The following EFCAB6 variants were observed in gnomAD, a reference collection of about 807,000 sequenced individuals.
The protein encoded by EFCAB6 is EF-hand calcium binding domain 6.
In EFCAB6, 156 loss-of-function variants were observed where a neutral mutation model predicts 169.8. The ratio of observed to expected loss-of-function variants is 0.92; its 90% CI spans 0.81 to 1.05. The LOEUF (loss-of-function observed/expected upper bound fraction) is 1.05. EFCAB6 is among the 50% of genes least tolerant of loss of function. EFCAB6 has a pLI of 0.00. For missense variants in EFCAB6, 1,800 were observed against 1,829.1 expected, an observed-to-expected ratio of 0.98 and a Z score of 0.29; for synonymous variants, 698 against 676.4, an observed-to-expected ratio of 1.03 and a Z score of -0.50.
At chr22:43,719,866 C>T (rs1419256859) in intron 8 of EFCAB6, among the ~76,000 whole-genome samples, 1 of 152,106 alleles carries the variant, frequency 6.6e-6, no homozygotes, top group Non-Finnish European at 1.5e-5. Context: ...CATGGAAGAG[C>T]AGTATCAATC....
chr22:43,774,546 G>A (rs1009706857), intron 3 of EFCAB6, among the ~76,000 whole-genome samples: 2 of 151,526 alleles, frequency 1.3e-5, no homozygotes, highest in African/African-American at 4.9e-5. Context: ...GATGACTCTC[G>A]CTCCTGATGC....
At chr22:43,530,420 G>A in intron 31 of EFCAB6, 3 of 736,850 alleles carry the variant, frequency 4.1e-6, no homozygotes, top group Non-Finnish European at 5.0e-6. Flanking sequence ...GGCTCACTTT[G>A]CAGGCCCCTT....
In EFCAB6 at chr22:43,685,445, G is replaced by A. The variant is rs774712345; in HGVS notation, c.1143-1590C>T. On this transcript the variant is annotated intron_variant, in intron 11 of 31. Transcript: ENST00000262726. ...CCTCGGAGCTGGGACATTTTCTGCC[G>A]CTGCCTTGGACATCGGAAATTTGAC... is the stretch of plus-strand genomic sequence containing the variant. Among the ~76,000 whole-genome samples the A allele has an allele frequency of 3.1e-4, 47 of 152,164 alleles. 1 individual carries two copies. The highest frequency in any genetic ancestry group is 2.6e-4 in the Non-Finnish European group (18 of 68,028).
intron 17 of EFCAB6, among the ~76,000 whole-genome samples, chr22:43,660,835 G>C (rs531194598): frequency 2.5e-4 from 38 of 152,280 alleles, no homozygotes; most frequent in Admixed American, 1.6e-3. Flanking sequence ...CAGGGTGTCT[G>C]ATGACATGCT....
chr22:43,530,068 G>A (rs1377291880), intron 31 of EFCAB6, among the ~76,000 whole-genome samples: 1 of 152,230 alleles, frequency 6.6e-6, no homozygotes, highest in Non-Finnish European at 1.5e-5. Flanking sequence ...AGGAAGCTGA[G>A]CCTGGTGTCT....
intron 13 of EFCAB6, among the ~76,000 whole-genome samples, chr22:43,673,654 C>T (rs1045442696): frequency 1.3e-5 from 2 of 152,140 alleles, no homozygotes; most frequent in Middle Eastern, 3.4e-3. Flanking sequence ...GTGGTGTGCG[C>T]CTATAATCCC....
chr22:43,702,728 A>C (rs558169025), intron 10 of EFCAB6, among the ~76,000 whole-genome samples: 1 of 152,288 alleles, frequency 6.6e-6, no homozygotes, highest in African/African-American at 2.4e-5. Context: ...AGTGGTGCCC[A>C]ATCAGAGGTA....
Position 43,651,438 on chromosome 22 carries a change from C to T in EFCAB6, c.1983+15666G>A, listed in dbSNP as rs138354095. Among the ~76,000 whole-genome samples the T allele has an allele frequency of 8.1e-4, 123 of 152,354 alleles. 1 individual carries two copies. The highest frequency in any genetic ancestry group is 2.8e-3 in the African/African-American group (117 of 41,592). On this transcript the variant is annotated intron_variant, in intron 17 of 31. Coordinates refer to ENST00000262726, the MANE Select transcript of EFCAB6 (RefSeq NM_022785.4). The stretch of plus-strand genomic sequence containing the variant: ...CTAGATTTCAGAAGATCTACGGAAA[C>T]GCCTGGATGTCTAAGCAGAAGTTTG...
intron 3 of EFCAB6, among the ~76,000 whole-genome samples, chr22:43,780,358 A>C (rs570221450): frequency 1.3e-5 from 2 of 151,820 alleles, no homozygotes; most frequent in East Asian, 3.9e-4. Flanking sequence ...GTGGTGGTGC[A>C]TGCCTGTGAT....
intron 26 of EFCAB6, among the ~76,000 whole-genome samples, chr22:43,570,613 T>C (rs1429878510): frequency 1.0e-4 from 1 of 9,938 alleles, no homozygotes; most frequent in Non-Finnish European, 2.1e-4. Context: ...AGGTGTTCTC[T>C]TTTTTTTTTT....
At chr22:43,780,486 C>CAAAAAAAAAAAAAAAAAAAA (rs34634496) in intron 3 of EFCAB6, among the ~76,000 whole-genome samples, 1 of 49,024 alleles carries the variant, frequency 2.0e-5, no homozygotes, top group Non-Finnish European at 3.6e-5. Context: ...GACTCTGTCT[C>CAAAAAAAAAAAAAAAAAAAA]AAAAAAAAAA....
At chr22:43,631,554 G>A (rs1307713304) in intron 19 of EFCAB6, among the ~76,000 whole-genome samples, 1 of 151,978 alleles carries the variant, frequency 6.6e-6, no homozygotes, top group Non-Finnish European at 1.5e-5. Flanking sequence ...ACCTCCTCCA[G>A]GGAGTCCTCC....
intron 15 of EFCAB6, among the ~76,000 whole-genome samples, chr22:43,669,343 C>T (rs1416810927): frequency 6.6e-6 from 1 of 152,146 alleles, no homozygotes; most frequent in African/African-American, 2.4e-5. Context: ...AATGTATACA[C>T]AAACTATGGT....
In EFCAB6 at chr22:43,580,326, C is replaced by T. The variant is rs2050637316; in HGVS notation, c.3228+138G>A. On this transcript the variant is annotated intron_variant, in intron 25 of 31. Coordinates refer to ENST00000262726, the MANE Select transcript of EFCAB6 (RefSeq NM_022785.4). ...GGAAGAGTGGATACACAACTACCCA[C>T]ATAAAAACTCTGCTCATGGTTAACT... 6 of 843,226 alleles carry T rather than the reference C, an allele frequency of 7.1e-6. No individual in the cohort carries two copies. The South Asian group carries it at 1.1e-4, about 15-fold the overall frequency. The allele number at this position is 843,226 out of a possible 1,614,324, so 52.2% of individuals were successfully genotyped here. A position where few individuals can be genotyped will look rare whatever the true frequency, so the allele number is the denominator to read the frequency against.
chr22:43,627,150 C>A (rs577177750), intron 19 of EFCAB6, among the ~76,000 whole-genome samples: 1 of 152,262 alleles, frequency 6.6e-6, no homozygotes, highest in Non-Finnish European at 1.5e-5. Context: ...TTTCGATGAC[C>A]GTGATAGAGA....
intron 4 of EFCAB6, among the ~76,000 whole-genome samples, chr22:43,771,650 GC>G (rs2061475005): frequency 6.6e-6 from 1 of 151,498 alleles, no homozygotes; most frequent in Admixed American, 6.6e-5. Flanking sequence ...CTTTTTTAAG[GC>G]CCCCAAGGAT....
chr22:43,711,209 A>G (rs1000740873), intron 10 of EFCAB6, among the ~76,000 whole-genome samples: 13 of 152,182 alleles, frequency 8.5e-5, no homozygotes, highest in East Asian at 5.8e-4. Flanking sequence ...GAAATATGCT[A>G]TCTGGTATTT....
intron 28 of EFCAB6, among the ~76,000 whole-genome samples, chr22:43,539,760 C>T (rs1040211936): frequency 2.6e-4 from 40 of 152,352 alleles, no homozygotes; most frequent in African/African-American, 9.4e-4. Context: ...GTATAACTTG[C>T]TTCAAGGGAC....
chr22:43,579,364 A>ATG, intron 25 of EFCAB6, among the ~76,000 whole-genome samples: 1 of 151,060 alleles, frequency 6.6e-6, no homozygotes, highest in East Asian at 2.0e-4. Flanking sequence ...CATTCCCTAC[A>ATG]CATAGGCATC....
Sources: gnomAD v4.1 joint callset for allele counts (sites outside exome capture counted in the v4.1 genomes callset) on GRCh38, gnomAD v4.1.1 for gene constraint, MANE v1.5 for transcripts, NCBI Gene and HGNC (gene_info 2026-07-23, HGNC 2026-07-21) for gene names.